Variants in CCNY observed in about 807,000 individuals in gnomAD.
CCNY encodes the protein cyclin Y, also known as cyclin-Y.
CCNY carries 19 observed loss-of-function variants against 42.8 expected under a neutral mutation model. The ratio of observed to expected loss-of-function variants is 0.44; its 90% confidence interval spans 0.31 to 0.65. The LOEUF is 0.65. Among genes scored for constraint, CCNY ranks in the 30% least tolerant of loss-of-function variants. The pLI is 0.07. For missense variants in CCNY, 370 were observed against 437.3 expected, an observed-to-expected ratio of 0.85 and a Z score of 1.37; for synonymous variants, 165 against 162.7, an observed-to-expected ratio of 1.01 and a Z score of -0.11.
intron 3 of CCNY, among the ~76,000 whole-genome samples, chr10:35,286,862 G>C (rs370676703): frequency 6.6e-6 from 1 of 151,050 alleles, no homozygotes; most frequent in African/African-American, 2.4e-5. Flanking sequence ...GTTTTGTCAT[G>C]TCGGCCAGGC....
intron 3 of CCNY, among the ~76,000 whole-genome samples, chr10:35,312,880 T>C (rs1589030729): frequency 6.6e-6 from 1 of 151,304 alleles, no homozygotes; most frequent in East Asian, 2.0e-4. Context: ...CCTCCTAAAA[T>C]GCCAGGATTA....
intron 3 of CCNY, among the ~76,000 whole-genome samples, chr10:35,269,450 G>A (rs967715856): frequency 1.5e-4 from 23 of 150,386 alleles, no homozygotes; most frequent in African/African-American, 4.9e-4. Context: ...CCTAGTAGCC[G>A]GGGTTACTAC....
intron 3 of CCNY, among the ~76,000 whole-genome samples, chr10:35,513,592 A>G (rs1299858263): frequency 2.0e-5 from 3 of 151,724 alleles, no homozygotes; most frequent in African/African-American, 7.3e-5. Context: ...TAATTCATGC[A>G]CTCCTTCTGA....
At chr10:35,448,901 G>A (rs979920258) in intron 1 of CCNY, among the ~76,000 whole-genome samples, 1 of 152,134 alleles carries the variant, frequency 6.6e-6, no homozygotes, top group Non-Finnish European at 1.5e-5. Context: ...CCCAGGGGGT[G>A]CAGTGTGGGT....
chr10:35,513,189 G>A (rs1390146022), intron 3 of CCNY, among the ~76,000 whole-genome samples: 1 of 151,982 alleles, frequency 6.6e-6, no homozygotes, highest in African/African-American at 2.4e-5. Flanking sequence ...TCTAAAATTC[G>A]ATTATTCTGC....
At chr10:35,273,254 C>T (rs879367761) in intron 3 of CCNY, among the ~76,000 whole-genome samples, 23 of 151,508 alleles carry the variant, frequency 1.5e-4, no homozygotes, top group East Asian at 5.8e-4. Flanking sequence ...TAGGCTGGAG[C>T]GCAGTGGCAC....
At chr10:35,383,734 A>T (rs1837243089) in intron 1 of CCNY, among the ~76,000 whole-genome samples, 1 of 152,168 alleles carries the variant, frequency 6.6e-6, no homozygotes, top group South Asian at 2.1e-4. Context: ...AAAGTTTTTG[A>T]TAAAGGGATC....
chr10:35,470,229 A>G (rs924187452), intron 1 of CCNY, among the ~76,000 whole-genome samples: 12 of 151,924 alleles, frequency 7.9e-5, no homozygotes, highest in African/African-American at 2.7e-4. Flanking sequence ...GGAGAGACAG[A>G]CAGGGAGATG....
upstream of CCNY, among the ~76,000 whole-genome samples, chr10:35,331,778 CATG>C (rs543081854): frequency 1.7e-4 from 26 of 152,260 alleles, no homozygotes; most frequent in South Asian, 4.8e-3. Context: ...ATATATTTCT[CATG>C]GTGGAATTTT....
At chr10:35,306,496 G>A (rs964545769) in intron 3 of CCNY, among the ~76,000 whole-genome samples, 3 of 152,228 alleles carry the variant, frequency 2.0e-5, no homozygotes, top group Middle Eastern at 3.4e-3. Context: ...CAGCTTCTCC[G>A]AACAGAACTC....
At chr10:35,569,014 A>T in intron 9 of CCNY, 40 bp from the exon 10 acceptor site, 1 of 1,361,692 alleles carries the variant, frequency 7.3e-7, no homozygotes, top group Non-Finnish European at 1.1e-6. Context: ...GGACGCAGAT[A>T]TGGCCCGCCC....
chr10:35,332,692 C>T (rs942792690), upstream of CCNY, among the ~76,000 whole-genome samples: 10 of 152,140 alleles, frequency 6.6e-5, no homozygotes, highest in African/African-American at 2.4e-4. Context: ...GCAACCTCCA[C>T]CTCCCGGGTT....
At chr10:35,532,342 G>T (rs915299634) in intron 7 of CCNY, among the ~76,000 whole-genome samples, 1 of 152,188 alleles carries the variant, frequency 6.6e-6, no homozygotes. Context: ...GCATGTGTTT[G>T]GCATCTTGGC....
chr10:35,437,675 A>G (rs922318029), intron 1 of CCNY, among the ~76,000 whole-genome samples: 37 of 152,158 alleles, frequency 2.4e-4, no homozygotes, highest in African/African-American at 8.2e-4. Context: ...AAAAAAACCA[A>G]AAAACACCAC....
chr10:35,553,233 C>A, intron 8 of CCNY, 48 bp downstream of exon 8: 1 of 1,587,276 alleles, frequency 6.3e-7, no homozygotes, highest in Admixed American at 1.7e-5. Flanking sequence ...TTGGCCAGAC[C>A]ATTTGGAAAG....
At chr10:35,295,381 GC>G in intron 3 of CCNY, among the ~76,000 whole-genome samples, 1 of 151,804 alleles carries the variant, frequency 6.6e-6, no homozygotes, top group Non-Finnish European at 1.5e-5. Flanking sequence ...ACAGGCATGT[GC>G]CACCACGCCT....
At chr10:35,563,568 C>T (rs1028776130) in intron 8 of CCNY, among the ~76,000 whole-genome samples, 16 of 152,172 alleles carry the variant, frequency 1.1e-4, no homozygotes, top group African/African-American at 3.6e-4. Flanking sequence ...TTAGCAGGGC[C>T]TCTGACGCTT....
intron 7 of CCNY, among the ~76,000 whole-genome samples, chr10:35,548,665 G>A (rs963400088): frequency 7.3e-5 from 11 of 151,538 alleles, no homozygotes; most frequent in South Asian, 2.1e-4. Context: ...GGTTGTTTTC[G>A]CGTTGAGTAG....
chr10:35,369,691 A>G (rs1836886646), intron 1 of CCNY, among the ~76,000 whole-genome samples: 4 of 152,308 alleles, frequency 2.6e-5, no homozygotes, highest in African/African-American at 9.6e-5. Flanking sequence ...CAAATTTGCA[A>G]TGGAAAAGTT....
Sources: allele counts gnomAD v4.1 joint callset (sites outside exome capture counted in the v4.1 genomes callset), GRCh38; gene constraint gnomAD v4.1.1; transcripts MANE v1.5; gene names NCBI Gene and HGNC (gene_info 2026-07-23, HGNC 2026-07-21).